The following MTMR8 variants were observed in gnomAD, a reference collection of about 807,000 sequenced individuals.
The protein encoded by MTMR8 is myotubularin related protein 8, also known as phosphatidylinositol-3,5-bisphosphate 3-phosphatase MTMR8.
MTMR8 carries 65 observed loss-of-function variants against 39.3 expected under a neutral mutation model. The ratio of observed to expected loss-of-function variants is 1.65; its 90% CI spans 1.35 to 2.03. The LOEUF is 2.03. MTMR8 is among the 30% of genes most tolerant of loss of function. The pLI, the probability that MTMR8 is intolerant of heterozygous loss-of-function variation, is 0.00. For missense variants in MTMR8, 777 were observed against 538.9 expected (o/e 1.44, Z -4.37); for synonymous variants, 245 against 185.2 (o/e 1.32, Z -2.62).
chrX:64,395,287 G>GAGCACCAAGAGGAAGCTCGCGGCTGTC, intron 1 of MTMR8, 53 bp downstream of exon 1: 1 of 1,176,798 alleles, frequency 8.5e-7, no homozygotes, highest in African/African-American at 1.7e-5. Flanking sequence ...GCTCCCAGGT[G>GAGCACCAAGAGGAAGCTCGCGGCTGTC]AGCACCAAGA....
chrX:64,319,301 GACT>G (rs1284618828), intron 12 of MTMR8, among the ~76,000 whole-genome samples: 2 of 112,170 alleles, frequency 1.8e-5, no homozygotes, highest in African/African-American at 6.5e-5. Context: ...TAAAAAAAGA[GACT>G]ACTTTGTCAG....
chrX:64,377,397 C>T (rs1165541700), intron 1 of MTMR8, among the ~76,000 whole-genome samples: 2 of 112,593 alleles, frequency 1.8e-5, no homozygotes, highest in Non-Finnish European at 3.8e-5. Flanking sequence ...CCTGCAGAGC[C>T]AAAAGGCAAA....
intron 12 of MTMR8, among the ~76,000 whole-genome samples, chrX:64,319,118 A>C (rs1922556733): frequency 8.9e-6 from 1 of 112,687 alleles, no homozygotes; most frequent in Admixed American, 9.4e-5. Flanking sequence ...ATTGGTGGCA[A>C]TGAAAAATAC....
chrX:64,278,946 C>T (rs895073982), intron 12 of MTMR8, among the ~76,000 whole-genome samples: 1 of 111,721 alleles, frequency 9.0e-6, no homozygotes, highest in South Asian at 3.8e-4. Context: ...CTGGAAGCTT[C>T]GTCCCAGAGG....
intron 12 of MTMR8, among the ~76,000 whole-genome samples, chrX:64,289,147 A>G (rs1442710894): frequency 9.0e-6 from 1 of 111,106 alleles, no homozygotes; most frequent in Non-Finnish European, 1.9e-5. Context: ...AATGGACAAG[A>G]CACACATTAA....
At position 64,331,377 on chromosome X, in the gene MTMR8, T is replaced by A; in HGVS notation, c.1352+180A>T. 9.0e-6 allele frequency: 4 copies of A among 445,830 alleles called. No homozygotes were observed. The South Asian group carries it at 1.4e-4, about 16-fold the overall frequency. 36.7% of individuals were successfully genotyped at this position (445,830 alleles called of 1,213,427 possible). Reference sequence around the variant, plus strand: ...TTATCCCTATTTTACAGATGAGATATCTTAGGGTTCTGAGAGATCTCTGTG... The same window carrying A: ...TTATCCCTATTTTACAGATGAGATAACTTAGGGTTCTGAGAGATCTCTGTG... On this transcript the variant is annotated intron_variant, in intron 11 of 13. Transcript: ENST00000374852.
intron 1 of MTMR8, among the ~76,000 whole-genome samples, chrX:64,364,273 G>T (rs960908245): frequency 8.9e-6 from 1 of 112,463 alleles, no homozygotes; most frequent in African/African-American, 3.2e-5. Flanking sequence ...GAGAAAGGAC[G>T]GAATGCATCT....
At chrX:64,345,249 C>G in intron 6 of MTMR8, 72 bp from the exon 7 acceptor site, 1 of 1,058,813 alleles carries the variant, frequency 9.4e-7, no homozygotes. Flanking sequence ...AATCTCAATG[C>G]CTCATTCTGA....
intron 1 of MTMR8, among the ~76,000 whole-genome samples, chrX:64,363,333 G>C (rs912066635): frequency 8.9e-6 from 1 of 111,908 alleles, no homozygotes; most frequent in Middle Eastern, 4.6e-3. Context: ...ACTGGATCAT[G>C]GGGGTGAATT....
chrX:64,393,215 G>A (rs187732674), intron 1 of MTMR8, among the ~76,000 whole-genome samples: 1 of 111,749 alleles, frequency 8.9e-6, no homozygotes, highest in Non-Finnish European at 1.9e-5. Context: ...CACATCTATG[G>A]ATCTCAGTTT....
chrX:64,378,421 A>G (rs1924326555), intron 1 of MTMR8, among the ~76,000 whole-genome samples: 1 of 110,979 alleles, frequency 9.0e-6, no homozygotes, highest in Admixed American at 9.6e-5. Flanking sequence ...AGTTCTTACT[A>G]TGTTTCCCAG....
chrX:64,296,128 AG>A (rs1921571775), intron 12 of MTMR8, among the ~76,000 whole-genome samples: 1 of 112,185 alleles, frequency 8.9e-6, no homozygotes, highest in South Asian at 3.7e-4. Flanking sequence ...AGCCTCAAAA[AG>A]GAATGAAGTT....
intron 12 of MTMR8, among the ~76,000 whole-genome samples, chrX:64,273,347 C>T (rs1931803582): frequency 9.1e-6 from 1 of 109,563 alleles, no homozygotes; most frequent in African/African-American, 3.3e-5. Flanking sequence ...TAAGTTGTTA[C>T]ATGCTTAAGA....
chrX:64,350,422 T>C (rs1030953941), intron 4 of MTMR8, among the ~76,000 whole-genome samples: 1 of 111,656 alleles, frequency 9.0e-6, no homozygotes, highest in Non-Finnish European at 1.9e-5. Context: ...AATTTCAACA[T>C]GGGGTTTTAT....
At chrX:64,279,729 A>G (rs1309308618) in intron 12 of MTMR8, among the ~76,000 whole-genome samples, 1 of 112,055 alleles carries the variant, frequency 8.9e-6, no homozygotes, top group Non-Finnish European at 1.9e-5. Flanking sequence ...CTTGACTTCA[A>G]AAGATATTAT....
chrX:64,283,739 T>G (rs1015855109), intron 12 of MTMR8, among the ~76,000 whole-genome samples: 1 of 111,999 alleles, frequency 8.9e-6, no homozygotes, highest in African/African-American at 3.3e-5. Context: ...TCCAGCAAAC[T>G]CCAACAGACT....
chrX:64,368,647 A>AT (rs1316313801), intron 1 of MTMR8, among the ~76,000 whole-genome samples: 2 of 112,459 alleles, frequency 1.8e-5, no homozygotes, highest in African/African-American at 6.5e-5. Flanking sequence ...ACCTAAAGCC[A>AT]TAAAAACCCT....
intron 12 of MTMR8, among the ~76,000 whole-genome samples, chrX:64,295,122 G>C (rs1454459425): frequency 9.1e-6 from 1 of 110,012 alleles, no homozygotes; most frequent in African/African-American, 3.3e-5. Context: ...TGAGTCACCT[G>C]TAAGTCTCAC....
rs1023710199 is a variant in MTMR8 at position 64,268,262 on chromosome X, C to T, written c.*275G>A. On this transcript the variant is annotated 3_prime_UTR_variant, in exon 14 of 14. Transcript: ENST00000374852. ...TAAGGAAAACAGACAGTAGAACCAG[C>T]TTAATATGTGTCTCAGCTGAGAGGC... 3.0e-6 allele frequency: 1 copy of T among 333,093 alleles called. No homozygotes were observed. Among genetic ancestry groups the T allele is most frequent in the Non-Finnish European group, 5.2e-6 (1 of 192,882 alleles). The allele number at this position is 333,093 out of a possible 1,213,427, so 27.5% of individuals were successfully genotyped here. A position where few individuals can be genotyped will look rare whatever the true frequency, so the allele number is the denominator to read the frequency against.
Sources: gnomAD v4.1 joint callset for allele counts (sites outside exome capture counted in the v4.1 genomes callset) on GRCh38, gnomAD v4.1.1 for gene constraint, MANE v1.5 for transcripts, NCBI Gene and HGNC (gene_info 2026-07-23, HGNC 2026-07-21) for gene names.